Variants in PAPLN observed in about 807,000 individuals in gnomAD.
PAPLN encodes papilin.
PAPLN carries 146 observed loss-of-function variants against 159.0 expected under a neutral mutation model. That is an observed-to-expected ratio of 0.92 (90% CI 0.80 to 1.05). The LOEUF is 1.05. Among genes scored for constraint, PAPLN ranks in the 50% least tolerant of loss-of-function variants. The pLI, the probability that PAPLN is intolerant of heterozygous loss-of-function variation, is 0.00. For synonymous variants in PAPLN, 734 were observed against 702.9 expected, an observed-to-expected ratio of 1.04 and a Z score of -0.70; for missense variants, 1,720 against 1,743.9, an observed-to-expected ratio of 0.99 and a Z score of 0.24.
intron 18 of PAPLN, chr14:73,262,130 GA>G: frequency 1.9e-6 from 1 of 515,016 alleles, no homozygotes. Context: ...CTCTGTGGGT[GA>G]AGGCTGCTGT....
rs1883939509 is a variant in PAPLN, at chr14:73,244,293, C to T, written c.55-351C>T. ...CTTCCCTTTATTTTCTTTTAGGCCC[C>T]CCTCCCCTACATCACGGTTAACCTA... On this transcript the variant is annotated intron_variant, in intron 2 of 26. Transcript: ENST00000644200. 4 of 195,480 alleles carry T rather than the reference C, an allele frequency of 2.0e-5. No individual in the cohort carries two copies. The South Asian group carries it at 3.8e-4, about 18-fold the overall frequency. The allele number at this position is 195,480 out of a possible 1,614,324, so 12.1% of individuals were successfully genotyped here.
Position 73,261,176 on chromosome 14 carries a change from C to G in PAPLN, c.2127C>G (p.Pro709=), listed in dbSNP as rs368711970. ...CCCAGGTCCACAACACCCACCAGCCCCAGGCCCAGCAGAATGAGCCCAGTG... is the reference window on the plus strand; with the variant it reads ...CCCAGGTCCACAACACCCACCAGCCGCAGGCCCAGCAGAATGAGCCCAGTG... The part of the protein sequence containing the change: ...VASTVHNTHQ[P]QAQQNEPSEC... Residue 709 remains proline (P), a synonymous_variant, in exon 18 of 27, where the codon CCC becomes CCG. Transcript: ENST00000644200. The G allele has an allele frequency of 3.7e-6, 6 of 1,614,144 alleles. No individual in the cohort carries two copies. The highest frequency in any genetic ancestry group is 8.5e-7 in the Non-Finnish European group (1 of 1,180,042).
intron 16 of PAPLN, 98 bp downstream of exon 16, chr14:73,259,643 G>A (rs1886338458): frequency 7.3e-7 from 1 of 1,367,536 alleles, no homozygotes; most frequent in East Asian, 2.8e-5. Context: ...GGGCTGGGGT[G>A]GGTGTGCAGA....
chr14:73,253,302 C>T (rs1414510863), intron 11 of PAPLN: 34 of 1,276,534 alleles, frequency 2.7e-5, no homozygotes, highest in Admixed American at 6.2e-5. Context: ...CAGCGGGCCT[C>T]CTGGGATGGT....
chr14:73,270,198 TTGGCCGGGCAGGCTGCGCTCCGC>T (rs1887589539), intron 26 of PAPLN, among the ~76,000 whole-genome samples: 1 of 146,340 alleles, frequency 6.8e-6, no homozygotes, highest in Non-Finnish European at 1.5e-5. Flanking sequence ...CTCCGCCCAC[TTGGCCGGGCAGGCTGCGCTCCGC>T]TGACCCGGAT....
intron 2 of PAPLN, among the ~76,000 whole-genome samples, chr14:73,241,621 G>T (rs556732625): frequency 1.3e-5 from 2 of 152,340 alleles, no homozygotes; most frequent in African/African-American, 4.8e-5. Context: ...CCTGGGCTGA[G>T]AATTCTTCTC....
chr14:73,260,446 A>G lies in PAPLN; in HGVS notation c.1986-263A>G, dbSNP rs141043525. On this transcript the variant is annotated intron_variant, in intron 16 of 26. Coordinates refer to ENST00000644200, the MANE Select transcript of PAPLN (RefSeq NM_001365906.3). Reference sequence around the variant, plus strand: ...CCTTCTTTGTTTTGTGGGCTGTGCAACTGAGGCTCTGCCAGTTATGAGGGG... The same window carrying G: ...CCTTCTTTGTTTTGTGGGCTGTGCAGCTGAGGCTCTGCCAGTTATGAGGGG... Among the ~76,000 whole-genome samples the G allele has an allele frequency of 4.1e-3, 620 of 152,296 alleles. 4 individuals carry two copies. The highest frequency in any genetic ancestry group is 0.014 in the African/African-American group (586 of 41,554).
chr14:73,245,829 G>T lies in PAPLN; in HGVS notation c.231+133G>T. The T allele has an allele frequency of 8.2e-7, 1 of 1,221,118 alleles. No individual in the cohort carries two copies. The highest frequency in any genetic ancestry group is 1.1e-6 in the Non-Finnish European group (1 of 883,848). 75.6% of individuals were successfully genotyped at this position (1,221,118 alleles called of 1,614,324 possible). On this transcript the variant is annotated intron_variant, in intron 4 of 26. Coordinates refer to ENST00000644200, the MANE Select transcript of PAPLN (RefSeq NM_001365906.3). This position sits in a 1 kb window ranked among gnomAD's most constrained non-coding sequence, Gnocchi z 4.2. The stretch of plus-strand genomic sequence containing the variant: ...CCTGGGGTCCTCCCGCCAATCCACA[G>T]CAGGGCTGCGTGGGGGCCCCTTCCT...
chr14:73,238,527 A>C (rs1346823390), intron 1 of PAPLN, among the ~76,000 whole-genome samples: 1 of 152,242 alleles, frequency 6.6e-6, no homozygotes, highest in Non-Finnish European at 1.5e-5. Flanking sequence ...TGGTGTTCTG[A>C]GTAATTACAA....
chr14:73,237,940 G>C (rs1883142925), intron 1 of PAPLN, among the ~76,000 whole-genome samples: 1 of 152,188 alleles, frequency 6.6e-6, no homozygotes, highest in Non-Finnish European at 1.5e-5. Flanking sequence ...GCCCCTCCCG[G>C]GAGGTGCCAC....
intron 19 of PAPLN, 182 bp from the exon 20 acceptor site, chr14:73,263,462 TG>T: frequency 1.4e-6 from 1 of 711,568 alleles, no homozygotes; most frequent in Non-Finnish European, 2.4e-6. Context: ...GGGGGCAGGT[TG>T]GGGAGGGTAG....
chr14:73,260,583 C>T (rs56791057), intron 16 of PAPLN, 126 bp from the exon 17 acceptor site: 105,935 of 1,227,054 alleles, frequency 0.086, 5,420 homozygotes, highest in Admixed American at 0.18. Flanking sequence ...CACGGGGACA[C>T]GTCCTCTCCC....
rs555169475 is a variant in PAPLN at position 73,246,084 on chromosome 14, C to A, written c.243C>A (p.Asp81Glu). The stretch of plus-strand genomic sequence containing the variant: ...CCTCCGCCCCGCAGAGCTGCCCCGA[C>A]GGCGCCCGGGACTTCCGGGCCGAGC... ...HRSCRTESCPDGARDFRAEQC... is the reference protein window; with the variant it reads ...HRSCRTESCPEGARDFRAEQC... The change falls in exon 5 of 27, where the codon GAC (aspartate) becomes GAA (glutamate). Residue 81 changes from aspartate (D) to glutamate (E), a missense_variant. Physicochemically the swap from Asp to Glu is conservative, Grantham distance 45. Coordinates refer to ENST00000644200, the MANE Select transcript of PAPLN (RefSeq NM_001365906.3). 1.3e-5 allele frequency: 21 copies of A among 1,561,678 alleles called. No individual in the cohort carries two copies. The highest frequency in any genetic ancestry group is 1.7e-5 in the Non-Finnish European group (20 of 1,157,836).
intron 14 of PAPLN, among the ~76,000 whole-genome samples, chr14:73,258,618 T>TAAAAAAAAAAGAAAAAAAAAAAAAAAA (rs1886188945): frequency 1.3e-5 from 1 of 75,788 alleles, no homozygotes; most frequent in Non-Finnish European, 2.4e-5. Context: ...ACCCTATCTC[T>TAAAAAAAAAAGAAAAAAAAAAAAAAAA]AAAAAAAAAA....
intron 14 of PAPLN, 150 bp from the exon 15 acceptor site, chr14:73,258,829 T>C (rs560745989): frequency 3.4e-5 from 21 of 609,292 alleles, no homozygotes; most frequent in Non-Finnish European, 5.2e-5. Context: ...AAATCCTGGG[T>C]CATGCTCCTT....
In PAPLN at chr14:73,262,539, G is replaced by A. The variant is rs149453915; in HGVS notation, c.2435G>A (p.Arg812His). 7.5e-5 allele frequency: 117 copies of A among 1,569,808 alleles called. No homozygotes were observed. The highest frequency in any genetic ancestry group is 3.3e-4 in the Middle Eastern group (2 of 6,030). The change falls in exon 19 of 27, where the codon CGT becomes CAT. Residue 812 changes from arginine to histidine, a missense_variant. Coordinates refer to ENST00000644200, the MANE Select transcript of PAPLN (RefSeq NM_001365906.3). ...SSCQGSLHGP[R>H]RPQPGASGRS... is the part of the protein sequence containing the mutation. The stretch of plus-strand genomic sequence containing the variant: ...TGCCAGGGATCTCTCCATGGGCCCC[G>A]TCGTCCCCAGCCTGGGGCTTCTGGA...
At position 73,272,667 on chromosome 14, in the gene PAPLN, A is replaced by G; in HGVS notation, c.*3A>G. The G allele has an allele frequency of 6.4e-7, 1 of 1,563,722 alleles. No homozygotes were observed. Among genetic ancestry groups the G allele is most frequent in the Middle Eastern group, 1.7e-4 (1 of 5,854 alleles). On this transcript the variant is annotated 3_prime_UTR_variant, in exon 27 of 27. Transcript: ENST00000644200. The stretch of plus-strand genomic sequence containing the variant: ...ACGCTCAGCCCATCTGGCAGTAGGG[A>G]TGAAGGCTAGTTCCAGCCCCAGTCC...
At chr14:73,238,193 G>T (rs1453300623) in intron 1 of PAPLN, among the ~76,000 whole-genome samples, 1 of 152,252 alleles carries the variant, frequency 6.6e-6, no homozygotes, top group African/African-American at 2.4e-5. Context: ...CCTGTAGGGG[G>T]AGGCTTGGTC....
In PAPLN at chr14:73,262,701, CA is replaced by C; in HGVS notation, c.2598del (p.Glu868ArgfsTer96). On this transcript the variant is annotated frameshift_variant, in exon 19 of 27. Coordinates refer to ENST00000644200, the MANE Select transcript of PAPLN (RefSeq NM_001365906.3). LOFTEE classifies it high-confidence loss of function. ...GLWRQDQQPG[P>X]GEAPHTQAFG... ...TGGCGGCAAGACCAACAGCCTGGGC[CA>C]GGGGAGGCCCCCCACACCCAGGCCT... The C allele has an allele frequency of 6.6e-7, 1 of 1,510,362 alleles. No individual in the cohort carries two copies. Among genetic ancestry groups the C allele is most frequent in the African/African-American group, 1.4e-5 (1 of 71,920 alleles). The allele number at this position is 1,510,362 out of a possible 1,614,324, so 93.6% of individuals were successfully genotyped here.
Sources: gnomAD v4.1 joint callset for allele counts (sites outside exome capture counted in the v4.1 genomes callset) on GRCh38, gnomAD v4.1.1 for gene constraint, Gnocchi (gnomAD v3.1) non-coding constraint, MANE v1.5 for transcripts, NCBI Gene and HGNC (gene_info 2026-07-23, HGNC 2026-07-21) for gene names.